F13A1: variants seen among roughly 807,000 people sequenced by gnomAD.
The protein encoded by F13A1 is coagulation factor XIII A chain.
Under a neutral mutation model 80.1 loss-of-function variants are expected in F13A1, and 47 were observed. The observed-to-expected ratio is 0.59, with a 90% confidence interval of 0.46 to 0.75. The LOEUF (loss-of-function observed/expected upper bound fraction) is 0.75. Ranked by LOEUF, F13A1 falls within the 30% of genes least tolerant of loss-of-function variation. F13A1 has a pLI of 0.00. For missense variants in F13A1, 817 were observed against 930.4 expected, an observed-to-expected ratio of 0.88 and a Z score of 1.59; for synonymous variants, 349 against 344.9, an observed-to-expected ratio of 1.01 and a Z score of -0.13.
chr6:6,318,742 A>G (rs529529856), intron 1 of F13A1, 60 bp from the exon 2 acceptor site: 2 of 1,553,484 alleles, frequency 1.3e-6, no homozygotes, highest in South Asian at 2.3e-5. Context: ...GTAACATTTG[A>G]GACAAGGATT....
At chr6:6,228,919 G>T (rs756164987) in intron 6 of F13A1, among the ~76,000 whole-genome samples, 1 of 152,224 alleles carries the variant, frequency 6.6e-6, no homozygotes, top group East Asian at 1.9e-4. Flanking sequence ...CTCCAGTTGT[G>T]GGGGTGGGTT....
chr6:6,210,885 C>A (rs976518328), intron 8 of F13A1, among the ~76,000 whole-genome samples: 2 of 152,122 alleles, frequency 1.3e-5, no homozygotes, highest in Non-Finnish European at 2.9e-5. Flanking sequence ...TGCACCACCA[C>A]GCCCAGCTAA....
intron 9 of F13A1, among the ~76,000 whole-genome samples, chr6:6,196,428 A>G (rs1057236037): frequency 1.3e-5 from 2 of 152,210 alleles, no homozygotes; most frequent in African/African-American, 4.8e-5. Context: ...TATATAGTTA[A>G]TAAGAGATTA....
At chr6:6,266,324 C>T (rs952090217) in intron 4 of F13A1, among the ~76,000 whole-genome samples, 25 of 152,112 alleles carry the variant, frequency 1.6e-4, no homozygotes, top group African/African-American at 2.4e-4. Context: ...CTCCAACTCC[C>T]GAACTCAAGC....
At chr6:6,290,877 T>C (rs1267913) in intron 3 of F13A1, among the ~76,000 whole-genome samples, 31,668 of 152,150 alleles carry the variant, frequency 0.21, 3,773 homozygotes, top group East Asian at 0.47. Context: ...TGAAAGAGTA[T>C]AGGCTAAGAA....
rs772023860 is a variant in F13A1 at position 6,145,633 on chromosome 6, G to A, written c.2185C>T (p.Arg729Ter). The A allele has an allele frequency of 1.6e-5, 26 of 1,614,018 alleles. No individual in the cohort carries two copies. In the South Asian group the frequency reaches 2.1e-4, roughly 13 times the overall value. The change falls in exon 15 of 15, where the codon CGA becomes TGA. Residue 729 changes from arginine (R) to a stop codon, truncating the protein, a stop_gained. Coordinates refer to ENST00000264870, the MANE Select transcript of F13A1 (RefSeq NM_000129.4). LOFTEE classifies it high-confidence loss of function. ...TTCCTGTGCATTCACATGGAAGGTCGTCTTTGAATCTGCACGTCCAGCTCG... is the reference window on the plus strand; with the variant it reads ...TTCCTGTGCATTCACATGGAAGGTCATCTTTGAATCTGCACGTCCAGCTCG... ...YGELDVQIQR[R>*]PSM
At chr6:6,190,026 G>C (rs1418027184) in intron 10 of F13A1, among the ~76,000 whole-genome samples, 1 of 152,070 alleles carries the variant, frequency 6.6e-6, no homozygotes, top group Non-Finnish European at 1.5e-5. Flanking sequence ...CGGCTCCTGA[G>C]GCTTCTGCAT....
intron 8 of F13A1, among the ~76,000 whole-genome samples, chr6:6,216,879 G>A (rs1405268256): frequency 3.4e-5 from 5 of 148,944 alleles, no homozygotes; most frequent in East Asian, 2.0e-4. Context: ...ACATGAACAG[G>A]CACTTCTCAA....
intron 2 of F13A1, among the ~76,000 whole-genome samples, chr6:6,311,411 T>G (rs1758590447): frequency 6.6e-6 from 1 of 152,088 alleles, no homozygotes; most frequent in Non-Finnish European, 1.5e-5. Context: ...AGATCAGCAG[T>G]TTTGTTTCAC....
chr6:6,202,949 A>C (rs1198350775), intron 8 of F13A1, among the ~76,000 whole-genome samples: 2 of 152,208 alleles, frequency 1.3e-5, no homozygotes, highest in Non-Finnish European at 2.9e-5. Flanking sequence ...GTCATAGTTT[A>C]TGTTGTGATT....
At chr6:6,146,418 G>A (rs1169305268) in intron 14 of F13A1, among the ~76,000 whole-genome samples, 1 of 152,048 alleles carries the variant, frequency 6.6e-6, no homozygotes, top group African/African-American at 2.4e-5. Context: ...TAATGTATGC[G>A]GCTAATGACA....
rs747732087 is a variant in F13A1, at chr6:6,305,394, T to C, written c.276A>G (p.Pro92=). The C allele has an allele frequency of 8.7e-6, 14 of 1,614,116 alleles. No individual in the cohort carries two copies. Among genetic ancestry groups the C allele is most frequent in the Non-Finnish European group, 1.1e-5 (13 of 1,180,050 alleles). Residue 92 remains proline, a synonymous_variant, in exon 3 of 15, where the codon CCA becomes CCG. Transcript: ENST00000264870. ...TGAAGAGATCCCTTCTGGGGTCATA[T>C]GGACGACTGAAGTCAATCTGCACAT... The part of the protein sequence containing the change: ...SFYVQIDFSR[P]YDPRRDLFRV...
chr6:6,259,620 A>G lies in F13A1; in HGVS notation c.571+6938T>C, dbSNP rs1757750432. On this transcript the variant is annotated intron_variant, in intron 4 of 14. Transcript: ENST00000264870. ...CCAGATATGTTTTTGACTTTTCTCA[A>G]GATGGTAAGGTCTGAGATTACATTT... 2.0e-5 allele frequency among the ~76,000 whole-genome samples: 3 copies of G among 152,226 alleles called. No homozygotes were observed. In the East Asian group the frequency reaches 5.8e-4, roughly 29 times the overall value.
intron 8 of F13A1, among the ~76,000 whole-genome samples, chr6:6,203,737 G>A (rs1761439204): frequency 6.6e-6 from 1 of 152,100 alleles, no homozygotes; most frequent in South Asian, 2.1e-4. Flanking sequence ...GTTTTTTTAA[G>A]CTGTTACGTT....
intron 4 of F13A1, among the ~76,000 whole-genome samples, chr6:6,251,375 C>T (rs892825506): frequency 1.4e-5 from 2 of 147,384 alleles, no homozygotes; most frequent in Non-Finnish European, 1.5e-5. Flanking sequence ...CGTGAGAAGG[C>T]CCACGTGTCA....
At chr6:6,179,122 T>C (rs1309165931) in intron 11 of F13A1, among the ~76,000 whole-genome samples, 1 of 152,066 alleles carries the variant, frequency 6.6e-6, no homozygotes, top group South Asian at 2.1e-4. Flanking sequence ...TAAATGCTGA[T>C]TGGAAGGAGA....
intron 9 of F13A1, 119 bp from the exon 10 acceptor site, chr6:6,196,004 G>T (rs756388735): frequency 4.4e-5 from 42 of 948,262 alleles, no homozygotes; most frequent in Non-Finnish European, 6.5e-5. Flanking sequence ...CTTCATTGCT[G>T]ATTTAGCCCA....
intron 10 of F13A1, among the ~76,000 whole-genome samples, chr6:6,185,953 T>C (rs2151078520): frequency 6.6e-6 from 1 of 150,438 alleles, no homozygotes; most frequent in East Asian, 2.0e-4. Context: ...GGTTTTGATT[T>C]GCATTTCTCT....
chr6:6,221,446 C>A (rs1175523350), intron 8 of F13A1, among the ~76,000 whole-genome samples: 2 of 152,178 alleles, frequency 1.3e-5, no homozygotes, highest in Non-Finnish European at 2.9e-5. Flanking sequence ...AAAACCTATA[C>A]TGCTGAAGTC....
Sources: allele counts gnomAD v4.1 joint callset (sites outside exome capture counted in the v4.1 genomes callset), GRCh38; gene constraint gnomAD v4.1.1; transcripts MANE v1.5; gene names NCBI Gene and HGNC (gene_info 2026-07-23, HGNC 2026-07-21).